PPP1R13B: variants seen among roughly 807,000 people sequenced by gnomAD.
PPP1R13B encodes protein phosphatase 1 regulatory subunit 13B.
In PPP1R13B, 44 loss-of-function variants were observed where a neutral mutation model predicts 119.8. The observed-to-expected ratio is 0.37, with a 90% CI of 0.29 to 0.47. The LOEUF (loss-of-function observed/expected upper bound fraction) is 0.47. PPP1R13B is among the 20% of genes least tolerant of loss of function. The pLI is 0.99. For synonymous variants in PPP1R13B, 542 were observed against 561.5 expected (o/e 0.97, Z 0.49); for missense variants, 1,227 against 1,413.5 (o/e 0.87, Z 2.12).
chr14:103,817,259 G>GACAT (rs2086303297), intron 1 of PPP1R13B, among the ~76,000 whole-genome samples: 1 of 152,178 alleles, frequency 6.6e-6, no homozygotes, highest in Non-Finnish European at 1.5e-5. Context: ...ACTGCACAGT[G>GACAT]ACATGGTGGA....
intron 1 of PPP1R13B, among the ~76,000 whole-genome samples, chr14:103,802,217 G>T (rs534767832): frequency 6.6e-6 from 1 of 152,216 alleles, no homozygotes; most frequent in South Asian, 2.1e-4. Context: ...GCTGAGGCAG[G>T]ACAATGGCGT....
At chr14:103,794,065 G>C (rs934520859) in intron 2 of PPP1R13B, among the ~76,000 whole-genome samples, 3 of 152,186 alleles carry the variant, frequency 2.0e-5, no homozygotes, top group African/African-American at 7.2e-5. Context: ...AAGTCAAAGA[G>C]AGAGAGAGTC....
At chr14:103,750,917 A>G (rs1364813274) in intron 7 of PPP1R13B, among the ~76,000 whole-genome samples, 2 of 151,794 alleles carry the variant, frequency 1.3e-5, no homozygotes, top group African/African-American at 4.8e-5. Flanking sequence ...ATACTTTGGG[A>G]GGCCAAGGTA....
At chr14:103,762,653 G>A in intron 4 of PPP1R13B, 1 of 514,404 alleles carries the variant, frequency 1.9e-6, no homozygotes, top group Non-Finnish European at 3.5e-6. Context: ...AGCCACTGCT[G>A]CAGCCTCTGG....
upstream of PPP1R13B, chr14:103,848,377 G>GC (rs901366423): frequency 5.1e-6 from 5 of 985,338 alleles, no homozygotes; most frequent in African/African-American, 8.7e-5. Flanking sequence ...CAGAGGCGCC[G>GC]CCCCCTCGGG....
rs1022359818 is a variant in PPP1R13B at position 103,845,002 on chromosome 14, T to C, written c.9+2297A>G. ...TCATATTGAATACGTGTTAAAATAA[T>C]ATTTTGGATATGCTAAGTTAATAAA... On this transcript the variant is annotated intron_variant, in intron 1 of 16. Transcript: ENST00000202556. Among the ~76,000 whole-genome samples, 6 of 152,330 alleles carry C rather than the reference T, an allele frequency of 3.9e-5. No homozygotes were observed. In the East Asian group the frequency reaches 1.2e-3, roughly 29 times the overall value.
At chr14:103,756,004 A>G (rs1319206119) in intron 5 of PPP1R13B, among the ~76,000 whole-genome samples, 1 of 152,238 alleles carries the variant, frequency 6.6e-6, no homozygotes, top group Non-Finnish European at 1.5e-5. Flanking sequence ...CATTTTAGTC[A>G]TAAAGAAAAT....
At chr14:103,808,320 A>G (rs116802277) in intron 1 of PPP1R13B, among the ~76,000 whole-genome samples, 2 of 152,036 alleles carry the variant, frequency 1.3e-5, no homozygotes, top group Non-Finnish European at 2.9e-5. Context: ...ACTCAAACCT[A>G]GAGAAACAAT....
chr14:103,747,671 C>G (rs1475455966), intron 8 of PPP1R13B, among the ~76,000 whole-genome samples: 4 of 152,178 alleles, frequency 2.6e-5, no homozygotes, highest in Non-Finnish European at 5.9e-5. Flanking sequence ...CCTTCCCACC[C>G]TTTCCCCGAG....
At chr14:103,810,509 C>G (rs2086125500) in intron 1 of PPP1R13B, among the ~76,000 whole-genome samples, 1 of 151,892 alleles carries the variant, frequency 6.6e-6, no homozygotes, top group Non-Finnish European at 1.5e-5. Context: ...CGTGGTGGCT[C>G]ATGCCTGTAA....
chr14:103,838,062 T>A (rs576830156), intron 1 of PPP1R13B, among the ~76,000 whole-genome samples: 35 of 151,736 alleles, frequency 2.3e-4, no homozygotes, highest in African/African-American at 8.5e-4. Flanking sequence ...AAGGTTGCAG[T>A]GAGCCGAGAT....
chr14:103,816,523 C>T (rs886540089), intron 1 of PPP1R13B, among the ~76,000 whole-genome samples: 3 of 148,416 alleles, frequency 2.0e-5, no homozygotes, highest in Admixed American at 6.8e-5. Context: ...CCCGTCTCTG[C>T]TAAAAATATA....
At chr14:103,735,280 A>C in intron 16 of PPP1R13B, 85 bp from the exon 17 acceptor site, 1 of 1,374,330 alleles carries the variant, frequency 7.3e-7, no homozygotes, top group Non-Finnish European at 1.0e-6. Flanking sequence ...TCCTCACCTC[A>C]GCCACCCTGG....
intron 1 of PPP1R13B, among the ~76,000 whole-genome samples, chr14:103,808,863 T>C (rs546125083): frequency 2.0e-5 from 3 of 151,920 alleles, no homozygotes; most frequent in Non-Finnish European, 4.4e-5. Flanking sequence ...ATACACCCAT[T>C]TTTTTTAATG....
In PPP1R13B at chr14:103,739,301, ACT is replaced by A. The variant is rs999298023; in HGVS notation, c.2593-280_2593-279del. The A allele has an allele frequency of 1.2e-4, 50 of 422,372 alleles. No individual in the cohort carries two copies. The Admixed American group carries it at 1.6e-3, about 13-fold the overall frequency. The allele number at this position is 422,372 out of a possible 1,614,324, so 26.2% of individuals were successfully genotyped here. A position where few individuals can be genotyped will look rare whatever the true frequency, so the allele number is the denominator to read the frequency against. ...TGAGCTTCTGGCCACTCCTCGGAAG[ACT>A]CTGTGGGAGGGAGGGTGGCGTGTGA... On this transcript the variant is annotated intron_variant, in intron 12 of 16. Coordinates refer to ENST00000202556, the MANE Select transcript of PPP1R13B (RefSeq NM_015316.3).
chr14:103,742,626 G>C lies in PPP1R13B; in HGVS notation c.1320+28C>G, dbSNP rs1407981874. On this transcript the variant is annotated intron_variant, in intron 10 of 16. Coordinates refer to ENST00000202556, the MANE Select transcript of PPP1R13B (RefSeq NM_015316.3). The surrounding 1 kb of genome is among the most constrained non-coding windows in gnomAD (Gnocchi z 4.9). The stretch of plus-strand genomic sequence containing the variant: ...GAGAGCCCTGTTGAAGAGCCCGCTT[G>C]TGTTCTGTGGTAAAGACACAGGCCT... 2.5e-6 allele frequency: 4 copies of C among 1,608,002 alleles called. No individual in the cohort carries two copies. The highest frequency in any genetic ancestry group is 3.3e-4 in the Middle Eastern group (2 of 5,978).
At chr14:103,754,340 G>A (rs1237267692) in intron 5 of PPP1R13B, 96 bp from the exon 6 acceptor site, 2 of 1,213,348 alleles carry the variant, frequency 1.6e-6, no homozygotes, top group Non-Finnish European at 1.1e-6. Flanking sequence ...TGAGGTAGGT[G>A]GATCACCTGA....
chr14:103,824,813 A>G (rs761352887), intron 1 of PPP1R13B, among the ~76,000 whole-genome samples: 9 of 152,260 alleles, frequency 5.9e-5, no homozygotes, highest in Non-Finnish European at 1.2e-4. Flanking sequence ...TTTGTACTAC[A>G]TTTATCTTCC....
chr14:103,754,290 C>A (rs770143201), intron 5 of PPP1R13B, 46 bp from the exon 6 acceptor site: 3 of 1,562,142 alleles, frequency 1.9e-6, no homozygotes, highest in African/African-American at 2.7e-5. Flanking sequence ...GAAGGCTGGG[C>A]GCGGTGGCTC....
Sources: gnomAD v4.1 joint callset for allele counts (sites outside exome capture counted in the v4.1 genomes callset) on GRCh38, gnomAD v4.1.1 for gene constraint, Gnocchi (gnomAD v3.1) non-coding constraint, MANE v1.5 for transcripts, NCBI Gene and HGNC (gene_info 2026-07-23, HGNC 2026-07-21) for gene names.